MCC: variants seen among roughly 807,000 people sequenced by gnomAD.
MCC encodes the protein MCC regulator of Wnt signaling pathway.
A neutral mutation model predicts 116.2 loss-of-function variants in MCC; 90 were observed. The ratio of observed to expected loss-of-function variants is 0.77; its 90% CI spans 0.65 to 0.92. The LOEUF (loss-of-function observed/expected upper bound fraction) is 0.92, where lower values mean the gene tolerates loss of function less well. Among genes scored for constraint, MCC ranks in the 40% least tolerant of loss-of-function variants. The pLI is 0.00. For synonymous variants in MCC, 578 were observed against 510.5 expected (o/e 1.13, Z -1.78); for missense variants, 1,516 against 1,312.2 (o/e 1.16, Z -2.40).
chr5:113,188,286 C>T (rs1054477046), intron 3 of MCC, among the ~76,000 whole-genome samples: 1 of 152,168 alleles, frequency 6.6e-6, no homozygotes, highest in Non-Finnish European at 1.5e-5. Context: ...CAAGAGCCAG[C>T]TGTCAAACTA....
At chr5:113,190,341 T>G (rs892419949) in intron 3 of MCC, among the ~76,000 whole-genome samples, 2 of 152,002 alleles carry the variant, frequency 1.3e-5, no homozygotes, top group African/African-American at 2.4e-5. Flanking sequence ...CAAATAGGGG[T>G]GGCAGGCAAT....
At chr5:113,291,187 T>C (rs937290475) in intron 3 of MCC, among the ~76,000 whole-genome samples, 3 of 152,154 alleles carry the variant, frequency 2.0e-5, no homozygotes, top group African/African-American at 7.2e-5. Context: ...GAAGTACACA[T>C]GCAAAACACC....
intron 8 of MCC, among the ~76,000 whole-genome samples, chr5:113,098,339 C>A (rs1436291108): frequency 6.6e-6 from 1 of 152,234 alleles, no homozygotes; most frequent in Non-Finnish European, 1.5e-5. Context: ...TTGCAATGAT[C>A]TGTTTACTTG....
chr5:113,139,135 A>G (rs1025144995), intron 5 of MCC, among the ~76,000 whole-genome samples: 5 of 152,142 alleles, frequency 3.3e-5, no homozygotes, highest in African/African-American at 9.7e-5. Context: ...TTGTTGACCA[A>G]TATAGTAACC....
chr5:113,282,091 C>T (rs979088883), intron 3 of MCC, among the ~76,000 whole-genome samples: 1 of 152,140 alleles, frequency 6.6e-6, no homozygotes, highest in Non-Finnish European at 1.5e-5. Context: ...CAACCTTCCC[C>T]GCATCACCTA....
At chr5:113,379,867 T>C (rs1235181466) in intron 2 of MCC, among the ~76,000 whole-genome samples, 1 of 151,864 alleles carries the variant, frequency 6.6e-6, no homozygotes, top group African/African-American at 2.4e-5. Context: ...TTATATTTTA[T>C]TCTTCTTCTG....
chr5:113,114,812 T>A (rs12188482), intron 6 of MCC, among the ~76,000 whole-genome samples: 2 of 152,068 alleles, frequency 1.3e-5, no homozygotes, highest in East Asian at 1.9e-4. Context: ...CTCCCCTTCC[T>A]GCTGAGAGCC....
At chr5:113,354,068 C>A (rs1158990080) in intron 2 of MCC, among the ~76,000 whole-genome samples, 2 of 152,192 alleles carry the variant, frequency 1.3e-5, no homozygotes, top group African/African-American at 4.8e-5. Flanking sequence ...CCCACCAAAT[C>A]TCAGTGGCTT....
At chr5:113,362,867 G>A (rs1768582388) in intron 2 of MCC, among the ~76,000 whole-genome samples, 1 of 152,112 alleles carries the variant, frequency 6.6e-6, no homozygotes, top group African/African-American at 2.4e-5. Flanking sequence ...ATGACTCCAG[G>A]GTGGAGGGAG....
chr5:113,045,897 G>C (rs1752038869), intron 16 of MCC, among the ~76,000 whole-genome samples: 1 of 152,042 alleles, frequency 6.6e-6, no homozygotes, highest in Non-Finnish European at 1.5e-5. Context: ...TTGGACAATA[G>C]CAAAGCTGAG....
chr5:113,081,710 A>G (rs1303668474), intron 11 of MCC, among the ~76,000 whole-genome samples: 1 of 152,230 alleles, frequency 6.6e-6, no homozygotes, highest in Non-Finnish European at 1.5e-5. Flanking sequence ...CACCAGGATT[A>G]TCACTCTTAA....
intron 3 of MCC, among the ~76,000 whole-genome samples, chr5:113,172,918 C>G (rs1217506054): frequency 1.3e-5 from 2 of 151,702 alleles, no homozygotes; most frequent in Non-Finnish European, 2.9e-5. Context: ...TCTTCATTTT[C>G]TTGATTATTT....
In MCC at chr5:113,228,463, T is replaced by C. The variant is rs377008161; in HGVS notation, c.628-77041A>G. The stretch of plus-strand genomic sequence containing the variant: ...TTAAGGTGACATTTGAGTAGACCTA[T>C]AGGAAGTGAGCAACAAGCCTGGGGA... On this transcript the variant is annotated intron_variant, in intron 3 of 18. Coordinates refer to ENST00000408903, the MANE Select transcript of MCC (RefSeq NM_001085377.2). Among the ~76,000 whole-genome samples the C allele has an allele frequency of 3.4e-4, 52 of 152,184 alleles. No homozygotes were observed. The East Asian group carries it at 4.4e-3, about 13-fold the overall frequency.
intron 5 of MCC, among the ~76,000 whole-genome samples, chr5:113,137,879 A>G (rs1758933111): frequency 6.6e-6 from 1 of 152,064 alleles, no homozygotes; most frequent in Non-Finnish European, 1.5e-5. Context: ...TAGGTCCACT[A>G]TGATTTGGAT....
At position 113,400,542 on chromosome 5, in the gene MCC, C is replaced by T. The variant is rs565104964; in HGVS notation, c.171-15330G>A. 2.6e-5 allele frequency among the ~76,000 whole-genome samples: 4 copies of T among 152,280 alleles called. No individual in the cohort carries two copies. In the South Asian group the frequency reaches 8.3e-4, roughly 32 times the overall value. The stretch of plus-strand genomic sequence containing the variant: ...CAGTAAATTAACATTTGGTATTAAG[C>T]AAGACTCAGCCTATCTTCACAATGA... On this transcript the variant is annotated intron_variant, in intron 1 of 18. Coordinates refer to ENST00000408903, the MANE Select transcript of MCC (RefSeq NM_001085377.2).
At position 113,434,115 on chromosome 5, in the gene MCC, G is replaced by A. The variant is rs773395049; in HGVS notation, c.171-48903C>T. On this transcript the variant is annotated intron_variant, in intron 1 of 18. Transcript: ENST00000408903. This position sits in a 1 kb window ranked among gnomAD's most constrained non-coding sequence, Gnocchi z 4.2. The stretch of plus-strand genomic sequence containing the variant: ...GTAGATGAGGTCCTTGCACTCGCCT[G>A]TCAGGTGCTTGGAGCGTGGGAAGTT... 2 of 1,614,228 alleles carry A rather than the reference G, an allele frequency of 1.2e-6. No individual in the cohort carries two copies. Among genetic ancestry groups the A allele is most frequent in the Non-Finnish European group, 1.7e-6 (2 of 1,180,026 alleles).
At chr5:113,223,165 G>T (rs935813756) in intron 3 of MCC, among the ~76,000 whole-genome samples, 25 of 152,326 alleles carry the variant, frequency 1.6e-4, no homozygotes, top group African/African-American at 6.0e-4. Context: ...AGAAGATGAG[G>T]CTGAGAGGCA....
intron 3 of MCC, among the ~76,000 whole-genome samples, chr5:113,297,905 C>G (rs934765292): frequency 1.3e-5 from 2 of 151,860 alleles, no homozygotes; most frequent in African/African-American, 4.8e-5. Flanking sequence ...ATGTCCTCAA[C>G]AAAATTAGGA....
intron 12 of MCC, among the ~76,000 whole-genome samples, chr5:113,069,211 C>T (rs960165460): frequency 6.6e-6 from 1 of 152,228 alleles, no homozygotes; most frequent in Admixed American, 6.5e-5. Context: ...ATTAGATTCT[C>T]ATAAAACTAA....
Sources: allele counts gnomAD v4.1 joint callset (sites outside exome capture counted in the v4.1 genomes callset), GRCh38; gene constraint gnomAD v4.1.1; non-coding constraint Gnocchi (gnomAD v3.1); transcripts MANE v1.5; gene names NCBI Gene and HGNC (gene_info 2026-07-23, HGNC 2026-07-21).